Variants in HS3ST4 observed in about 807,000 individuals in gnomAD.
HS3ST4 encodes heparan sulfate glucosamine 3-O-sulfotransferase 4.
HS3ST4 carries 17 observed loss-of-function variants against 29.2 expected under a neutral mutation model. That is an observed-to-expected ratio of 0.58 (90% CI 0.40 to 0.87). The LOEUF is 0.87. HS3ST4 is among the 40% of genes least tolerant of loss of function. HS3ST4 has a pLI of 0.00. For synonymous variants in HS3ST4, 314 were observed against 285.7 expected (o/e 1.10, Z -1.00); for missense variants, 627 against 634.5 (o/e 0.99, Z 0.13).
rs183664114 is a variant in HS3ST4 at position 25,740,099 on chromosome 16, G to A, written c.734+46948G>A. 6.3e-3 allele frequency among the ~76,000 whole-genome samples: 951 copies of A among 152,032 alleles called. 5 individuals carry two copies. Among genetic ancestry groups the A allele is most frequent in the Non-Finnish European group, 0.01 (693 of 68,010 alleles). On this transcript the variant is annotated intron_variant, in intron 1 of 1. Coordinates refer to ENST00000331351, the MANE Select transcript of HS3ST4 (RefSeq NM_006040.3). ...CCTGAGAATCTGTAGTTGGATGATC[G>A]TCATCTGCATCCAGGATTTGAAAAG...
chr16:25,993,334 T>C (rs1462466029), intron 1 of HS3ST4, among the ~76,000 whole-genome samples: 2 of 152,094 alleles, frequency 1.3e-5, no homozygotes, highest in Non-Finnish European at 2.9e-5. Flanking sequence ...AGTGAAATAA[T>C]GTGGAGTGGA....
At chr16:25,837,082 A>G (rs1431932543) in intron 1 of HS3ST4, among the ~76,000 whole-genome samples, 1 of 152,222 alleles carries the variant, frequency 6.6e-6, no homozygotes, top group Non-Finnish European at 1.5e-5. Context: ...TCCGCAGTTC[A>G]TGGATGATTT....
chr16:25,792,150 G>GT (rs1567240827), intron 1 of HS3ST4, among the ~76,000 whole-genome samples: 1 of 151,618 alleles, frequency 6.6e-6, no homozygotes, highest in African/African-American at 2.4e-5. Flanking sequence ...TACTTTGATT[G>GT]TTTTTTGAAT....
At chr16:26,055,347 T>A (rs1370998583) in intron 1 of HS3ST4, among the ~76,000 whole-genome samples, 3 of 152,144 alleles carry the variant, frequency 2.0e-5, no homozygotes, top group African/African-American at 7.2e-5. Flanking sequence ...ATTTGTAAAG[T>A]ACTTTACTTT....
intron 1 of HS3ST4, among the ~76,000 whole-genome samples, chr16:26,013,193 CA>C (rs1296404756): frequency 5.9e-5 from 9 of 151,450 alleles, no homozygotes; most frequent in African/African-American, 9.7e-5. Flanking sequence ...AAAATAAAAA[CA>C]AAAAAAACAC....
intron 1 of HS3ST4, among the ~76,000 whole-genome samples, chr16:26,074,802 A>G (rs1196747801): frequency 6.6e-6 from 1 of 152,076 alleles, no homozygotes; most frequent in Non-Finnish European, 1.5e-5. Context: ...TGTTCTCTAT[A>G]TATGTGAATG....
At chr16:25,985,190 T>C (rs1286597091) in intron 1 of HS3ST4, among the ~76,000 whole-genome samples, 3 of 152,212 alleles carry the variant, frequency 2.0e-5, no homozygotes, top group East Asian at 1.9e-4. Context: ...CAGGGTTGCA[T>C]TGGGAACTGT....
intron 1 of HS3ST4, among the ~76,000 whole-genome samples, chr16:25,886,230 A>G (rs1379014067): frequency 6.6e-6 from 1 of 151,824 alleles, no homozygotes; most frequent in African/African-American, 2.4e-5. Context: ...ATGGGGTTTC[A>G]CCATGTTGGC....
intron 1 of HS3ST4, among the ~76,000 whole-genome samples, chr16:26,012,194 T>A (rs1262263143): frequency 6.6e-6 from 1 of 152,206 alleles, no homozygotes; most frequent in Non-Finnish European, 1.5e-5. Context: ...AAGGAAACAG[T>A]GATCCATGTT....
chr16:25,967,498 AT>A (rs1017676913), intron 1 of HS3ST4, among the ~76,000 whole-genome samples: 37 of 152,304 alleles, frequency 2.4e-4, no homozygotes, highest in Admixed American at 2.0e-3. Flanking sequence ...TTTGCTTTTT[AT>A]TTTATAAATC....
At chr16:25,720,569 G>A (rs1267285659) in intron 1 of HS3ST4, among the ~76,000 whole-genome samples, 1 of 152,076 alleles carries the variant, frequency 6.6e-6, no homozygotes, top group Non-Finnish European at 1.5e-5. Context: ...CTGCTCTAAG[G>A]CTCCTTCCCT....
At chr16:25,840,615 A>G (rs969340782) in intron 1 of HS3ST4, among the ~76,000 whole-genome samples, 2 of 152,192 alleles carry the variant, frequency 1.3e-5, no homozygotes, top group African/African-American at 4.8e-5. Flanking sequence ...ATTTTTTTCC[A>G]TAAAGGGCAT....
chr16:26,042,642 G>C (rs1423360018), intron 1 of HS3ST4, among the ~76,000 whole-genome samples: 1 of 152,186 alleles, frequency 6.6e-6, no homozygotes, highest in Non-Finnish European at 1.5e-5. Flanking sequence ...TGATCCAACT[G>C]GGATGGTTGC....
chr16:26,122,001 T>C (rs2141810946), intron 1 of HS3ST4, among the ~76,000 whole-genome samples: 1 of 152,126 alleles, frequency 6.6e-6, no homozygotes, highest in South Asian at 2.1e-4. Flanking sequence ...GACGTTGCAA[T>C]CACAAAAGAG....
chr16:25,937,059 T>G (rs1242340546), intron 1 of HS3ST4, among the ~76,000 whole-genome samples: 1 of 152,124 alleles, frequency 6.6e-6, no homozygotes, highest in Non-Finnish European at 1.5e-5. Context: ...GCTCAGATAG[T>G]CAGGACATGG....
Position 25,692,534 on chromosome 16 carries a change from C to T in HS3ST4, c.117C>T (p.Cys39=). The change falls in exon 1 of 2, where the codon TGC becomes TGT. Residue 39 remains cysteine, a synonymous_variant. Coordinates refer to ENST00000331351, the MANE Select transcript of HS3ST4 (RefSeq NM_006040.3). ...GPPARKLLFM[C]TLSLSVTYLC... is the part of the protein sequence containing the mutation. ...CGGCGCGCAAGCTGCTTTTTATGTG[C>T]ACCTTGTCCCTGTCTGTCACCTACC... is the stretch of plus-strand genomic sequence containing the variant. The T allele has an allele frequency of 2.8e-6, 4 of 1,447,682 alleles. No homozygotes were observed. The highest frequency in any genetic ancestry group is 6.2e-5 in the East Asian group (2 of 32,358). The allele number at this position is 1,447,682 out of a possible 1,614,324, so 89.7% of individuals were successfully genotyped here. A position where few individuals can be genotyped will look rare whatever the true frequency, so the allele number is the denominator to read the frequency against.
chr16:25,803,544 A>C (rs1198796268), intron 1 of HS3ST4, among the ~76,000 whole-genome samples: 3 of 152,038 alleles, frequency 2.0e-5, no homozygotes, highest in Non-Finnish European at 4.4e-5. Context: ...TTTTTTCCCA[A>C]ATTATTATTT....
intron 1 of HS3ST4, among the ~76,000 whole-genome samples, chr16:25,808,185 G>A (rs28760005): frequency 0.016 from 2,454 of 152,230 alleles, 93 homozygotes; most frequent in East Asian, 0.16. Context: ...TTGGTGTCAA[G>A]TCTAAGAATT....
At chr16:25,952,494 C>T (rs1359715984) in intron 1 of HS3ST4, among the ~76,000 whole-genome samples, 4 of 152,144 alleles carry the variant, frequency 2.6e-5, no homozygotes, top group Admixed American at 6.5e-5. Flanking sequence ...TTATTCTTTA[C>T]GAGCTCTTAA....
Sources: allele counts gnomAD v4.1 joint callset (sites outside exome capture counted in the v4.1 genomes callset), GRCh38; gene constraint gnomAD v4.1.1; transcripts MANE v1.5; gene names NCBI Gene and HGNC (gene_info 2026-07-23, HGNC 2026-07-21).